The following KCNN3 variants were observed in gnomAD, a reference collection of about 807,000 sequenced individuals.
The protein encoded by KCNN3 is potassium calcium-activated channel subfamily N member 3.
KCNN3 carries 16 observed loss-of-function variants against 62.9 expected under a neutral mutation model. That is an observed-to-expected ratio of 0.25 (90% CI 0.17 to 0.39). KCNN3 has a LOEUF of 0.39. Ranked by LOEUF, KCNN3 falls within the 10% of genes least tolerant of loss-of-function variation. The pLI is 1.00. For synonymous variants in KCNN3, 370 were observed against 389.2 expected, an observed-to-expected ratio of 0.95 and a Z score of 0.58; for missense variants, 599 against 949.4, an observed-to-expected ratio of 0.63 and a Z score of 4.85.
intron 3 of KCNN3, among the ~76,000 whole-genome samples, chr1:154,736,253 T>C (rs1236331947): frequency 1.3e-5 from 2 of 152,222 alleles, no homozygotes; most frequent in Non-Finnish European, 1.5e-5. Context: ...AATTAAGTGC[T>C]CACTAAATGT....
intron 2 of KCNN3, among the ~76,000 whole-genome samples, chr1:154,812,522 C>T (rs1221265104): frequency 6.6e-6 from 1 of 151,930 alleles, no homozygotes; most frequent in African/African-American, 2.4e-5. Flanking sequence ...GTTTTTTGTC[C>T]TTGCGATAGT....
At chr1:154,747,596 C>T (rs538852428) in intron 3 of KCNN3, among the ~76,000 whole-genome samples, 1 of 152,244 alleles carries the variant, frequency 6.6e-6, no homozygotes, top group African/African-American at 2.4e-5. Context: ...AAAGGAAGGG[C>T]CGGGACTCCA....
chr1:154,865,497 C>G (rs1213132225), intron 1 of KCNN3, among the ~76,000 whole-genome samples: 1 of 152,202 alleles, frequency 6.6e-6, no homozygotes, highest in Admixed American at 6.5e-5. Flanking sequence ...TGAGCTCACC[C>G]AGGAATCAAG....
intron 2 of KCNN3, among the ~76,000 whole-genome samples, chr1:154,815,064 C>T (rs540827026): frequency 2.3e-4 from 35 of 152,194 alleles, no homozygotes; most frequent in Non-Finnish European, 4.3e-4. Flanking sequence ...ACGAGTGGCC[C>T]GAGCTCCCTC....
intron 2 of KCNN3, among the ~76,000 whole-genome samples, chr1:154,808,237 A>G (rs1650262479): frequency 6.6e-6 from 1 of 152,156 alleles, no homozygotes; most frequent in Non-Finnish European, 1.5e-5. Context: ...GCTGCTGCTC[A>G]CCAGGATCTG....
At chr1:154,815,551 C>T (rs1352246913) in intron 2 of KCNN3, among the ~76,000 whole-genome samples, 2 of 152,180 alleles carry the variant, frequency 1.3e-5, no homozygotes, top group African/African-American at 4.8e-5. Flanking sequence ...TAGGACAAAC[C>T]AATTTCCAAA....
intron 2 of KCNN3, among the ~76,000 whole-genome samples, chr1:154,781,874 G>C (rs140431924): frequency 4.6e-5 from 7 of 152,272 alleles, no homozygotes; most frequent in African/African-American, 1.7e-4. Flanking sequence ...TATTAAACAG[G>C]TAAACCATTT....
At chr1:154,780,646 T>C (rs894320173) in intron 2 of KCNN3, among the ~76,000 whole-genome samples, 1 of 150,976 alleles carries the variant, frequency 6.6e-6, no homozygotes, top group Admixed American at 6.6e-5. Context: ...GAGCATATAT[T>C]CTGCATGTAC....
intron 3 of KCNN3, among the ~76,000 whole-genome samples, chr1:154,757,183 TCAAA>T (rs1274914789): frequency 2.0e-5 from 3 of 152,360 alleles, no homozygotes; most frequent in Middle Eastern, 3.4e-3. Flanking sequence ...ACTTCAGTGC[TCAAA>T]CAATCTGTTG....
chr1:154,808,021 C>T (rs1650252699), intron 2 of KCNN3, among the ~76,000 whole-genome samples: 1 of 152,162 alleles, frequency 6.6e-6, no homozygotes, highest in African/African-American at 2.4e-5. Context: ...ATAATCTACA[C>T]CCGTCTCCCA....
intron 2 of KCNN3, among the ~76,000 whole-genome samples, chr1:154,779,329 T>G (rs1249481260): frequency 6.6e-6 from 1 of 152,340 alleles, no homozygotes; most frequent in East Asian, 1.9e-4. Flanking sequence ...GCCCAACATT[T>G]TCCTTTTAGA....
At position 154,712,011 on chromosome 1, in the gene KCNN3, G is replaced by A. The variant is rs1248783398; in HGVS notation, c.1899+1453C>T. On this transcript the variant is annotated intron_variant, in intron 7 of 7. Coordinates refer to ENST00000271915, the MANE Select transcript of KCNN3 (RefSeq NM_002249.6). ...CGGAGAGGAAGAGAGACAGGGAGAC[G>A]GAGAGGAAGAGAGAGACAGGGAAAG... Among the ~76,000 whole-genome samples, 4 of 150,990 alleles carry A rather than the reference G, an allele frequency of 2.6e-5. No individual in the cohort carries two copies. The East Asian group carries it at 7.8e-4, about 29-fold the overall frequency.
chr1:154,859,873 C>A, intron 1 of KCNN3: 1 of 1,525,136 alleles, frequency 6.6e-7, no homozygotes, highest in Non-Finnish European at 8.8e-7. Flanking sequence ...CACTCCTGTC[C>A]TTTAAGAAAA....
chr1:154,756,352 A>AAAC (rs931869372), intron 3 of KCNN3, among the ~76,000 whole-genome samples: 1 of 152,182 alleles, frequency 6.6e-6, no homozygotes, highest in Admixed American at 6.5e-5. Context: ...GAAGAAGAAG[A>AAAC]AACAACAAGT....
intron 1 of KCNN3, among the ~76,000 whole-genome samples, chr1:154,868,696 G>T (rs1482332650): frequency 6.6e-6 from 1 of 152,048 alleles, no homozygotes; most frequent in Non-Finnish European, 1.5e-5. Context: ...TCTCAGAAGG[G>T]ATTATTGAAT....
Position 154,862,514 on chromosome 1 carries a change from AGGTGGG to A in KCNN3, c.933+6512_933+6517del, listed in dbSNP as rs1459038416. On this transcript the variant is annotated intron_variant, in intron 1 of 7. Coordinates refer to ENST00000271915, the MANE Select transcript of KCNN3 (RefSeq NM_002249.6). The surrounding 1 kb of genome is among the most constrained non-coding windows in gnomAD (Gnocchi z 4.1). ...GTCCTGCTGGCCCTCCAGGGGTGGA[AGGTGGG>A]GGTGCTAGGGGCTGTGGAAGGAGCT... Among the ~76,000 whole-genome samples the A allele has an allele frequency of 6.6e-6, 1 of 152,046 alleles. No individual in the cohort carries two copies. The highest frequency in any genetic ancestry group is 1.5e-5 in the Non-Finnish European group (1 of 67,974).
At chr1:154,853,153 CT>C (rs869302885) in intron 1 of KCNN3, among the ~76,000 whole-genome samples, 118 of 145,300 alleles carry the variant, frequency 8.1e-4, no homozygotes, top group Non-Finnish European at 8.7e-4. Flanking sequence ...ATGTACTCAG[CT>C]TTTTTTTTTT....
At chr1:154,783,056 CA>C (rs1418178237) in intron 2 of KCNN3, among the ~76,000 whole-genome samples, 1 of 151,862 alleles carries the variant, frequency 6.6e-6, no homozygotes, top group African/African-American at 2.4e-5. Context: ...ACTAAAAATA[CA>C]AAAAAACTAG....
At chr1:154,746,705 C>A (rs1209466406) in intron 3 of KCNN3, among the ~76,000 whole-genome samples, 10 of 152,168 alleles carry the variant, frequency 6.6e-5, no homozygotes. Flanking sequence ...TGAGGACCCA[C>A]AGAGGAAGCT....
Sources: gnomAD v4.1 joint callset for allele counts (sites outside exome capture counted in the v4.1 genomes callset) on GRCh38, gnomAD v4.1.1 for gene constraint, Gnocchi (gnomAD v3.1) non-coding constraint, MANE v1.5 for transcripts, NCBI Gene and HGNC (gene_info 2026-07-23, HGNC 2026-07-21) for gene names.